The following EYS variants were observed in gnomAD, a reference collection of about 807,000 sequenced individuals.
The protein encoded by EYS is EGF-like photoreceptor maintenance factor.
Under a neutral mutation model 282.1 loss-of-function variants are expected in EYS, and 250 were observed. The observed-to-expected ratio is 0.89, with a 90% CI of 0.80 to 0.98. EYS has a LOEUF of 0.98. Among genes scored for constraint, EYS ranks in the 50% least tolerant of loss-of-function variants. The pLI, the probability that EYS is intolerant of heterozygous loss-of-function variation, is 0.00. For missense variants in EYS, 4,016 were observed against 3,709.0 expected (o/e 1.08, Z -2.15); for synonymous variants, 1,355 against 1,282.9 (o/e 1.06, Z -1.20).
At chr6:64,503,466 TC>T (rs1473151529) in intron 26 of EYS, among the ~76,000 whole-genome samples, 15 of 152,210 alleles carry the variant, frequency 9.9e-5, no homozygotes, top group Non-Finnish European at 1.8e-4. Flanking sequence ...TAAAACTGCT[TC>T]CGTGGAATTA....
At position 64,296,114 on chromosome 6, in the gene EYS, T is replaced by G. The variant is rs540380552; in HGVS notation, c.6191+10856A>C. Reference sequence around the variant, plus strand: ...TTTACATTCCACTTTTTAACTCACCTTTAACAATTTATTAGTTATCAAGTT... The same window carrying G: ...TTTACATTCCACTTTTTAACTCACCGTTAACAATTTATTAGTTATCAAGTT... On this transcript the variant is annotated intron_variant, in intron 30 of 42. Coordinates refer to ENST00000503581, the MANE Select transcript of EYS (RefSeq NM_001142800.2). Among the ~76,000 whole-genome samples, 99 of 152,290 alleles carry G rather than the reference T, an allele frequency of 6.5e-4. 1 individual carries two copies. The highest frequency in any genetic ancestry group is 2.3e-3 in the African/African-American group (96 of 41,560).
chr6:63,971,832 C>G (rs767877409), intron 35 of EYS, among the ~76,000 whole-genome samples: 8 of 152,144 alleles, frequency 5.3e-5, no homozygotes, highest in African/African-American at 9.7e-5. Flanking sequence ...TTGTATTTGT[C>G]ATAAGTTCTA....
intron 14 of EYS, among the ~76,000 whole-genome samples, chr6:64,958,734 C>CA (rs1167094477): frequency 0.025 from 1,272 of 51,604 alleles, 324 homozygotes; most frequent in East Asian, 0.025. Context: ...GACTCCGTCT[C>CA]AAAAAAAAAA....
intron 22 of EYS, among the ~76,000 whole-genome samples, chr6:64,794,942 TA>T (rs1774308330): frequency 6.6e-6 from 1 of 152,070 alleles, no homozygotes; most frequent in African/African-American, 2.4e-5. Context: ...GGGATAGAAA[TA>T]GACATTACCA....
chr6:63,943,007 T>C (rs1425458634), intron 35 of EYS, among the ~76,000 whole-genome samples: 1 of 152,228 alleles, frequency 6.6e-6, no homozygotes, highest in East Asian at 1.9e-4. Context: ...CAGTATATAA[T>C]GTATATAACA....
At chr6:64,577,986 C>T (rs1765937225) in intron 26 of EYS, among the ~76,000 whole-genome samples, 1 of 152,020 alleles carries the variant, frequency 6.6e-6, no homozygotes, top group African/African-American at 2.4e-5. Context: ...ATTGACTCAA[C>T]CTTCAAAACA....
In EYS at chr6:65,344,096, A is replaced by C. The variant is rs1259593345; in HGVS notation, c.1541T>G (p.Val514Gly). 6.2e-7 allele frequency: 1 copy of C among 1,610,882 alleles called. No individual in the cohort carries two copies. The highest frequency in any genetic ancestry group is 1.7e-5 in the Admixed American group (1 of 59,694). ...AGAATTATTATCTTCAGGATCGTTC[A>C]CATAGGTTGCATCTTCAGTGCAGTT... ...AANCTEDATY[V>G]NDPEDNNSSC... The change falls in exon 10 of 43, where the codon GTG (valine) becomes GGG (glycine). Residue 514 changes from valine to glycine, a missense_variant. Coordinates refer to ENST00000503581, the MANE Select transcript of EYS (RefSeq NM_001142800.2).
At chr6:65,174,382 C>A (rs941266236) in intron 12 of EYS, among the ~76,000 whole-genome samples, 3 of 151,214 alleles carry the variant, frequency 2.0e-5, no homozygotes, top group African/African-American at 7.3e-5. Context: ...ATACAAATTT[C>A]AAAAATATTT....
chr6:65,471,809 A>G (rs1765228414), intron 5 of EYS, among the ~76,000 whole-genome samples: 1 of 152,122 alleles, frequency 6.6e-6, no homozygotes, highest in Admixed American at 6.5e-5. Flanking sequence ...ATATTTTAAG[A>G]TATTTTAACC....
intron 29 of EYS, among the ~76,000 whole-genome samples, chr6:64,350,506 G>T (rs1015838013): frequency 2.0e-5 from 3 of 151,494 alleles, no homozygotes; most frequent in Non-Finnish European, 4.4e-5. Context: ...AGAGCCAGTT[G>T]TATGGATCTG....
intron 12 of EYS, among the ~76,000 whole-genome samples, chr6:65,094,996 A>G (rs569003991): frequency 6.6e-6 from 1 of 151,476 alleles, no homozygotes; most frequent in South Asian, 2.1e-4. Flanking sequence ...AATAAAAAAA[A>G]TAGGAGATAT....
intron 19 of EYS, among the ~76,000 whole-genome samples, chr6:64,873,728 G>C (rs1327506511): frequency 2.0e-5 from 3 of 151,808 alleles, no homozygotes; most frequent in Non-Finnish European, 4.4e-5. Context: ...GTGGGGAGAT[G>C]GATATGTTCA....
At chr6:64,858,508 A>G (rs2150046798) in intron 19 of EYS, among the ~76,000 whole-genome samples, 1 of 152,212 alleles carries the variant, frequency 6.6e-6, no homozygotes, top group South Asian at 2.1e-4. Context: ...TTGCTTTATA[A>G]TGTGCTTTGT....
At chr6:64,992,116 C>A (rs546741779) in intron 14 of EYS, among the ~76,000 whole-genome samples, 2 of 151,862 alleles carry the variant, frequency 1.3e-5, no homozygotes, top group African/African-American at 4.8e-5. Flanking sequence ...ACAATTGAGT[C>A]CAGCTCCTAC....
In EYS at chr6:64,415,514, C is replaced by T. The variant is rs1403992127; in HGVS notation, c.5927+20660G>A. Reference sequence around the variant, plus strand: ...AATAGAGAATTACTCTTGGTGAGAACATCAAGCATGCTCTGCCTGTATCAC... The same window carrying T: ...AATAGAGAATTACTCTTGGTGAGAATATCAAGCATGCTCTGCCTGTATCAC... On this transcript the variant is annotated intron_variant, in intron 28 of 42. Transcript: ENST00000503581. Among the ~76,000 whole-genome samples the T allele has an allele frequency of 3.9e-5, 6 of 152,142 alleles. 1 individual carries two copies. In the South Asian group the frequency reaches 8.3e-4, roughly 21 times the overall value.
At chr6:64,344,185 G>T (rs530946486) in intron 29 of EYS, among the ~76,000 whole-genome samples, 2 of 152,066 alleles carry the variant, frequency 1.3e-5, no homozygotes, top group Admixed American at 6.6e-5. Context: ...GAAAAAGAGG[G>T]AATCCTCCCT....
At chr6:64,150,496 G>A (rs941507332) in intron 31 of EYS, among the ~76,000 whole-genome samples, 2 of 152,072 alleles carry the variant, frequency 1.3e-5, no homozygotes, top group African/African-American at 4.8e-5. Context: ...GTAGTAAAAT[G>A]TACTACGAAA....
chr6:64,565,779 A>G (rs1765546166), intron 26 of EYS, among the ~76,000 whole-genome samples: 2 of 152,142 alleles, frequency 1.3e-5, no homozygotes, highest in South Asian at 4.1e-4. Context: ...ACAAATATGC[A>G]TATAAAAGGT....
At chr6:64,001,231 A>G (rs548693780) in intron 33 of EYS, among the ~76,000 whole-genome samples, 5 of 152,360 alleles carry the variant, frequency 3.3e-5, no homozygotes, top group African/African-American at 9.6e-5. Context: ...TGAGAATCAC[A>G]TTATTTAATG....
Sources: gnomAD v4.1 joint callset for allele counts (sites outside exome capture counted in the v4.1 genomes callset) on GRCh38, gnomAD v4.1.1 for gene constraint, MANE v1.5 for transcripts, NCBI Gene and HGNC (gene_info 2026-07-23, HGNC 2026-07-21) for gene names.